Variants in ANKRD27 observed in about 807,000 individuals in gnomAD.
ANKRD27 encodes ankyrin repeat domain 27.
Under a neutral mutation model 129.7 loss-of-function variants are expected in ANKRD27, and 112 were observed. The ratio of observed to expected loss-of-function variants is 0.86; its 90% CI spans 0.74 to 1.01. ANKRD27 has a LOEUF of 1.01. ANKRD27 is among the 50% of genes least tolerant of loss of function. The probability of loss-of-function intolerance (pLI) is 0.00; values close to 1 mark genes in which losing one functional copy is unlikely to be tolerated. For synonymous variants in ANKRD27, 516 were observed against 511.2 expected (o/e 1.01, Z -0.13); for missense variants, 1,258 against 1,300.5 (o/e 0.97, Z 0.50).
chr19:32,631,930 C>G (rs939673297), intron 12 of ANKRD27, among the ~76,000 whole-genome samples: 2 of 152,222 alleles, frequency 1.3e-5, no homozygotes, highest in Non-Finnish European at 2.9e-5. Flanking sequence ...AAGCTGGTCT[C>G]AATTTCCCAC....
rs1971590291 is a variant in ANKRD27, at chr19:32,597,706, C to T, written c.*439G>A. 5.6e-6 allele frequency: 1 copy of T among 178,782 alleles called. No homozygotes were observed. Among genetic ancestry groups the T allele is most frequent in the African/African-American group, 2.3e-5 (1 of 42,744 alleles). 11.1% of individuals were successfully genotyped at this position (178,782 alleles called of 1,614,324 possible). A position where few individuals can be genotyped will look rare whatever the true frequency, so the allele number is the denominator to read the frequency against. On this transcript the variant is annotated 3_prime_UTR_variant, in exon 29 of 29. Coordinates refer to ENST00000306065, the MANE Select transcript of ANKRD27 (RefSeq NM_032139.3). ...GCCTGGCCTCTACAGTACCATGAAA[C>T]CTAAATTACTTACTTCTCTCCAGCT...
chr19:32,624,795 C>G (rs1431293368), intron 17 of ANKRD27, among the ~76,000 whole-genome samples: 1 of 151,462 alleles, frequency 6.6e-6, no homozygotes, highest in Non-Finnish European at 1.5e-5. Context: ...TAAAAATTAG[C>G]CAGGCATGGT....
chr19:32,607,736 C>T lies in ANKRD27; in HGVS notation c.2272G>A (p.Asp758Asn), dbSNP rs775881183. Residue 758 changes from aspartate (D) to asparagine (N), a missense_variant, in exon 23 of 29, where the codon GAC (aspartate) becomes AAC (asparagine). Coordinates refer to ENST00000306065, the MANE Select transcript of ANKRD27 (RefSeq NM_032139.3). Reference sequence around the variant, plus strand: ...TGCTTCAGCAGGAGGGGGATGAGGTCCGCCCGGCCGTGCAGGGCGGCGACA... The same window carrying T: ...TGCTTCAGCAGGAGGGGGATGAGGTTCGCCCGGCCGTGCAGGGCGGCGACA... ...LHVAALHGRA[D>N]LIPLLLKHGA... The T allele has an allele frequency of 3.1e-6, 5 of 1,612,778 alleles. No homozygotes were observed. The highest frequency in any genetic ancestry group is 4.2e-6 in the Non-Finnish European group (5 of 1,179,612).
intron 2 of ANKRD27, among the ~76,000 whole-genome samples, chr19:32,653,886 C>T (rs534085153): frequency 2.8e-4 from 42 of 152,216 alleles, no homozygotes; most frequent in African/African-American, 9.1e-4. Flanking sequence ...CTGCGGGAGA[C>T]ACATGGTTTT....
chr19:32,674,561 G>T (rs1967941562), intron 1 of ANKRD27, among the ~76,000 whole-genome samples: 1 of 86,060 alleles, frequency 1.2e-5, no homozygotes, highest in Non-Finnish European at 2.6e-5. Context: ...TTACCTGTGG[G>T]AATGCAGAGA....
intron 2 of ANKRD27, among the ~76,000 whole-genome samples, chr19:32,650,751 T>TTA (rs201802126): frequency 0.19 from 6,692 of 34,330 alleles, 546 homozygotes; most frequent in African/African-American, 0.35. Context: ...TACGCTTTTA[T>TTA]TTATTTTTTT....
intron 1 of ANKRD27, among the ~76,000 whole-genome samples, chr19:32,670,320 C>T (rs1462966160): frequency 6.6e-6 from 1 of 152,140 alleles, no homozygotes; most frequent in Non-Finnish European, 1.5e-5. Context: ...TCTGTCCTTT[C>T]ATCCGTGCTG....
At position 32,639,806 on chromosome 19, in the gene ANKRD27, A is replaced by AT. The variant is rs1967161447; in HGVS notation, c.984-319dup. On this transcript the variant is annotated intron_variant, in intron 11 of 28. Transcript: ENST00000306065. ...CTGCTCAACCACTGTCTAGACACTC[A>AT]TTCCAGAACAAGAAATGTAAGCTCT... Among the ~76,000 whole-genome samples, 4 of 152,326 alleles carry AT rather than the reference A, an allele frequency of 2.6e-5. No homozygotes were observed. The South Asian group carries it at 8.3e-4, about 32-fold the overall frequency.
intron 15 of ANKRD27, 133 bp downstream of exon 15, chr19:32,627,950 G>A (rs918696952): frequency 4.0e-5 from 31 of 775,778 alleles, no homozygotes; most frequent in Middle Eastern, 3.7e-4. Flanking sequence ...TCCGGCCCTT[G>A]GAGGGTGGAC....
intron 26 of ANKRD27, among the ~76,000 whole-genome samples, chr19:32,601,608 T>A: frequency 8.7e-6 from 1 of 115,594 alleles, no homozygotes; most frequent in African/African-American, 3.8e-5. Flanking sequence ...CGAGACTCTG[T>A]CTCAAAAAAA....
chr19:32,608,382 C>T, intron 22 of ANKRD27: 1 of 338,862 alleles, frequency 3.0e-6, no homozygotes, highest in Non-Finnish European at 5.9e-6. Context: ...GGCCACAGCC[C>T]CGCAAAGGCG....
chr19:32,627,767 A>C (rs1382433800), intron 15 of ANKRD27, among the ~76,000 whole-genome samples: 2 of 152,256 alleles, frequency 1.3e-5, no homozygotes, highest in African/African-American at 2.4e-5. Context: ...CGAGCTGACG[A>C]TTCTGAGACC....
chr19:32,632,100 C>A (rs1967004151), intron 12 of ANKRD27, among the ~76,000 whole-genome samples: 1 of 152,000 alleles, frequency 6.6e-6, no homozygotes, highest in African/African-American at 2.4e-5. Flanking sequence ...ACGAGCCTGG[C>A]CAACATGGTG....
In ANKRD27 at chr19:32,607,784, G is replaced by T; in HGVS notation, c.2224C>A (p.Gln742Lys). 1 of 1,611,574 alleles carries T rather than the reference G, an allele frequency of 6.2e-7. No homozygotes were observed. Among genetic ancestry groups the T allele is most frequent in the East Asian group, 2.2e-5 (1 of 44,798 alleles). Reference sequence around the variant, plus strand: ...ACATGCAGCGGGGAGGAGCCGTCCTGGCTGGTCACGTTCACACCAAGCCCA... The same window carrying T: ...ACATGCAGCGGGGAGGAGCCGTCCTTGCTGGTCACGTTCACACCAAGCCCA... ...ASGLGVNVTS[Q>K]DGSSPLHVAA... is the part of the protein sequence containing the mutation. Residue 742 changes from glutamine to lysine, a missense_variant, in exon 23 of 29, where the codon CAG (glutamine) becomes AAG (lysine). By Grantham distance (53) the Gln-to-Lys change is moderately conservative. Coordinates refer to ENST00000306065, the MANE Select transcript of ANKRD27 (RefSeq NM_032139.3).
intron 28 of ANKRD27, among the ~76,000 whole-genome samples, chr19:32,599,050 C>T (rs1472099986): frequency 1.3e-5 from 2 of 152,262 alleles, no homozygotes; most frequent in East Asian, 3.9e-4. Flanking sequence ...GAGGCCAAAG[C>T]GGGCAGATCA....
chr19:32,674,031 C>T (rs1045360071), intron 1 of ANKRD27, among the ~76,000 whole-genome samples: 8 of 151,820 alleles, frequency 5.3e-5, no homozygotes, highest in Non-Finnish European at 1.2e-4. Flanking sequence ...GTGGCATGCG[C>T]CTGTAGTCCC....
chr19:32,641,914 T>A, intron 10 of ANKRD27, 110 bp downstream of exon 10: 2 of 1,330,938 alleles, frequency 1.5e-6, no homozygotes, highest in Non-Finnish European at 2.0e-6. Flanking sequence ...GTTACAGAGG[T>A]GAGCCACTGC....
intron 24 of ANKRD27, 93 bp from the exon 25 acceptor site, chr19:32,604,517 T>C (rs1971701664): frequency 8.0e-7 from 1 of 1,257,114 alleles, no homozygotes; most frequent in Non-Finnish European, 1.0e-6. Context: ...ATAAAACACA[T>C]TGTTTTTTTT....
In ANKRD27 at chr19:32,597,988, T is replaced by G. The variant is rs540368925; in HGVS notation, c.*157A>C. The stretch of plus-strand genomic sequence containing the variant: ...GTGGTGGTTAACTTTTTTGTTGCAT[T>G]CTTTCCTGCCACAGAAAAGCTTTCA... On this transcript the variant is annotated 3_prime_UTR_variant, in exon 29 of 29. Coordinates refer to ENST00000306065, the MANE Select transcript of ANKRD27 (RefSeq NM_032139.3). The G allele has an allele frequency of 1.5e-6, 1 of 653,232 alleles. No individual in the cohort carries two copies. The highest frequency in any genetic ancestry group is 2.6e-6 in the Non-Finnish European group (1 of 378,878). The allele number at this position is 653,232 out of a possible 1,614,324, so 40.5% of individuals were successfully genotyped here. A position where few individuals can be genotyped will look rare whatever the true frequency, so the allele number is the denominator to read the frequency against.
Sources: gnomAD v4.1 joint callset for allele counts (sites outside exome capture counted in the v4.1 genomes callset) on GRCh38, gnomAD v4.1.1 for gene constraint, MANE v1.5 for transcripts, NCBI Gene and HGNC (gene_info 2026-07-23, HGNC 2026-07-21) for gene names.